Variants in EFCAB5 observed in about 807,000 individuals in gnomAD.
EFCAB5 encodes EF-hand calcium binding domain 5.
Under a neutral mutation model 167.9 loss-of-function variants are expected in EFCAB5, and 131 were observed. The observed-to-expected ratio is 0.78, with a 90% confidence interval of 0.68 to 0.90. The LOEUF (loss-of-function observed/expected upper bound fraction) is 0.90. Among genes scored for constraint, EFCAB5 ranks in the 40% least tolerant of loss-of-function variants. The probability of loss-of-function intolerance (pLI) is 0.00; values close to 1 mark genes in which losing one functional copy is unlikely to be tolerated. For synonymous variants in EFCAB5, 574 were observed against 602.8 expected, an observed-to-expected ratio of 0.95 and a Z score of 0.70; for missense variants, 1,663 against 1,745.2, an observed-to-expected ratio of 0.95 and a Z score of 0.84.
At chr17:30,042,889 TAA>T (rs1250211224) in intron 8 of EFCAB5, among the ~76,000 whole-genome samples, 2 of 152,316 alleles carry the variant, frequency 1.3e-5, no homozygotes, top group Admixed American at 6.5e-5. Flanking sequence ...CAAAAATCTT[TAA>T]GTTAATTTTA....
chr17:30,058,683 C>T (rs2070342297), intron 13 of EFCAB5, among the ~76,000 whole-genome samples: 1 of 151,996 alleles, frequency 6.6e-6, no homozygotes, highest in Non-Finnish European at 1.5e-5. Context: ...TATTTAAACA[C>T]TGCCATTCAT....
At chr17:30,027,362 AT>A (rs1370336657) in intron 7 of EFCAB5, among the ~76,000 whole-genome samples, 1 of 124,650 alleles carries the variant, frequency 8.0e-6, no homozygotes, top group East Asian at 2.3e-4. Flanking sequence ...AAAGTAGCAT[AT>A]TTGGGGGTGG....
chr17:30,090,029 T>C (rs1206743583), intron 19 of EFCAB5, among the ~76,000 whole-genome samples: 1 of 152,228 alleles, frequency 6.6e-6, no homozygotes, highest in Non-Finnish European at 1.5e-5. Context: ...TCTCAGGCTC[T>C]GCTTCTAGGG....
At chr17:30,016,550 C>T (rs2069047255) in intron 7 of EFCAB5, among the ~76,000 whole-genome samples, 1 of 152,024 alleles carries the variant, frequency 6.6e-6, no homozygotes, top group Non-Finnish European at 1.5e-5. Context: ...GAACTTTAAT[C>T]CTTACAGTGA....
chr17:30,093,765 T>C (rs2071244830), intron 22 of EFCAB5, among the ~76,000 whole-genome samples: 1 of 152,038 alleles, frequency 6.6e-6, no homozygotes, highest in Non-Finnish European at 1.5e-5. Flanking sequence ...GGCTCCCCAA[T>C]CACCACCGCC....
chr17:30,015,466 G>C (rs1460063929), intron 7 of EFCAB5, among the ~76,000 whole-genome samples: 1 of 152,148 alleles, frequency 6.6e-6, no homozygotes, highest in Non-Finnish European at 1.5e-5. Flanking sequence ...TTTTCACATA[G>C]TCCCATATTT....
At chr17:30,035,011 T>C (rs2069579536) in intron 8 of EFCAB5, among the ~76,000 whole-genome samples, 1 of 152,214 alleles carries the variant, frequency 6.6e-6, no homozygotes, top group African/African-American at 2.4e-5. Context: ...GGCAGTTTCT[T>C]ATAGTTACTT....
chr17:30,055,056 G>A (rs1271361573), intron 10 of EFCAB5, among the ~76,000 whole-genome samples: 1 of 152,108 alleles, frequency 6.6e-6, no homozygotes, highest in South Asian at 2.1e-4. Context: ...CCAGCACTTT[G>A]AGAGGCTGAG....
intron 7 of EFCAB5, among the ~76,000 whole-genome samples, chr17:30,032,991 T>A (rs1382867290): frequency 6.6e-6 from 1 of 152,138 alleles, no homozygotes; most frequent in Non-Finnish European, 1.5e-5. Flanking sequence ...CAATCATTTA[T>A]GGCTATGGAA....
chr17:30,102,091 G>A (rs62070308), intron 22 of EFCAB5, among the ~76,000 whole-genome samples: 2,548 of 149,640 alleles, frequency 0.017, 31 homozygotes, highest in Middle Eastern at 0.034. Flanking sequence ...AGAGAACATG[G>A]GTGCAGATGA....
intron 14 of EFCAB5, chr17:30,069,499 A>C (rs2070671881): frequency 1.2e-6 from 2 of 1,602,622 alleles, no homozygotes; most frequent in Admixed American, 1.7e-5. Flanking sequence ...TTGTGGGGGC[A>C]ACTGAAAATA....
At chr17:30,107,535 C>T (rs534998544) in intron 22 of EFCAB5, among the ~76,000 whole-genome samples, 101 of 152,148 alleles carry the variant, frequency 6.6e-4, no homozygotes, top group African/African-American at 2.4e-3. Flanking sequence ...GTTTTAAAGC[C>T]GTTTAATTGT....
chr17:29,929,978 C>A, intron 1 of EFCAB5: 1 of 1,602,358 alleles, frequency 6.2e-7, no homozygotes. Flanking sequence ...GGTAGGTGAC[C>A]GCTGGACCGT....
chr17:29,986,938 C>T (rs906830957), intron 4 of EFCAB5, among the ~76,000 whole-genome samples: 13 of 152,108 alleles, frequency 8.5e-5, no homozygotes, highest in Admixed American at 1.3e-4. Flanking sequence ...TGAGCCACCG[C>T]GCCCGGCCGA....
Position 29,968,875 on chromosome 17 carries a change from GA to G in EFCAB5, c.279del (p.Lys93AsnfsTer5). The G allele has an allele frequency of 6.4e-7, 1 of 1,562,280 alleles. No homozygotes were observed. The highest frequency in any genetic ancestry group is 8.7e-7 in the Non-Finnish European group (1 of 1,152,660). On this transcript the variant is annotated frameshift_variant, in exon 4 of 23. Coordinates refer to ENST00000394835, the MANE Select transcript of EFCAB5 (RefSeq NM_198529.4). LOFTEE classifies it high-confidence loss of function. ...GAAGCCTCAGGTAATATTGCAATTA[GA>G]AAATCTGCAAAAGTGATTTTTGCTT... Reference protein sequence around the residue: ...KTEASGNIAIRKSAKVIFALD... With the variant: ...KTEASGNIAIXKSAKVIFALD...
At chr17:30,035,657 G>A (rs1423273518) in intron 8 of EFCAB5, among the ~76,000 whole-genome samples, 1 of 152,090 alleles carries the variant, frequency 6.6e-6, no homozygotes, top group Non-Finnish European at 1.5e-5. Flanking sequence ...TAAATTATGT[G>A]GGGAGTCTTA....
chr17:29,984,508 A>C (rs2068241330), intron 4 of EFCAB5, among the ~76,000 whole-genome samples: 1 of 152,070 alleles, frequency 6.6e-6, no homozygotes, highest in African/African-American at 2.4e-5. Context: ...TCACGAGGTC[A>C]GGAGATTGAG....
intron 7 of EFCAB5, among the ~76,000 whole-genome samples, chr17:30,006,056 T>G (rs535096931): frequency 1.3e-5 from 2 of 152,240 alleles, no homozygotes; most frequent in Non-Finnish European, 2.9e-5. Context: ...TATTGACTTA[T>G]GTCTTTGCGT....
At chr17:29,944,761 T>G (rs1268234794) in intron 3 of EFCAB5, among the ~76,000 whole-genome samples, 2 of 151,940 alleles carry the variant, frequency 1.3e-5, no homozygotes. Flanking sequence ...GTAGCTGGGA[T>G]TACAAGCACG....
Sources: allele counts gnomAD v4.1 joint callset (sites outside exome capture counted in the v4.1 genomes callset), GRCh38; gene constraint gnomAD v4.1.1; transcripts MANE v1.5; gene names NCBI Gene and HGNC (gene_info 2026-07-23, HGNC 2026-07-21).